The following TMEM132B variants were observed in gnomAD, a reference collection of about 807,000 sequenced individuals.
The protein encoded by TMEM132B is transmembrane protein 132B.
In TMEM132B, 18 loss-of-function variants were observed where a neutral mutation model predicts 90.8. The ratio of observed to expected loss-of-function variants is 0.20; its 90% confidence interval spans 0.14 to 0.29. The LOEUF is 0.29. Ranked by LOEUF, TMEM132B falls within the 10% of genes least tolerant of loss-of-function variation. The pLI, the probability that TMEM132B is intolerant of heterozygous loss-of-function variation, is 1.00. For synonymous variants in TMEM132B, 504 were observed against 523.3 expected (o/e 0.96, Z 0.50); for missense variants, 1,096 against 1,326.8 (o/e 0.83, Z 2.70).
At chr12:125,526,327 G>A (rs1232726842) in intron 4 of TMEM132B, among the ~76,000 whole-genome samples, 1 of 152,224 alleles carries the variant, frequency 6.6e-6, no homozygotes, top group Non-Finnish European at 1.5e-5. Flanking sequence ...GAAGGAAGGG[G>A]CAGGGATGCC....
intron 3 of TMEM132B, among the ~76,000 whole-genome samples, chr12:125,500,420 C>A (rs866486216): frequency 5.3e-5 from 8 of 152,164 alleles, no homozygotes; most frequent in Admixed American, 1.3e-4. Context: ...GGGGTGACAA[C>A]TGAAAATGTT....
intron 2 of TMEM132B, among the ~76,000 whole-genome samples, chr12:125,390,117 C>G (rs952884674): frequency 1.3e-5 from 2 of 152,152 alleles, no homozygotes; most frequent in African/African-American, 4.8e-5. Flanking sequence ...AATCCATGAC[C>G]CAGCAATTCC....
intron 1 of TMEM132B, among the ~76,000 whole-genome samples, chr12:125,322,320 T>C (rs372793261): frequency 2.6e-5 from 4 of 152,240 alleles, no homozygotes; most frequent in East Asian, 3.8e-4. Flanking sequence ...TCCGCCATGA[T>C]TGTGAGGCCT....
At chr12:125,517,327 ATTTTTTTTTTTTTTTTTTTTTTTTT>A (rs56147854) in intron 3 of TMEM132B, among the ~76,000 whole-genome samples, 2 of 28,424 alleles carry the variant, frequency 7.0e-5, no homozygotes, top group African/African-American at 3.1e-4. Flanking sequence ...TGCCCTGCTG[ATTTTTTTTTTTTTTTTTTTTTTTTT>A]TTTTTTTTTT....
intron 1 of TMEM132B, among the ~76,000 whole-genome samples, chr12:125,289,749 A>G (rs1210461770): frequency 6.6e-6 from 1 of 152,212 alleles, no homozygotes; most frequent in Non-Finnish European, 1.5e-5. Context: ...CACTTGACTG[A>G]GGTCACACAG....
chr12:125,200,544 T>C (rs1443283553), intron 1 of TMEM132B, among the ~76,000 whole-genome samples: 2 of 152,130 alleles, frequency 1.3e-5, no homozygotes, highest in Non-Finnish European at 2.9e-5. Flanking sequence ...CCTCATGAGA[T>C]GGGGGATTCC....
chr12:125,618,632 A>G (rs1419899846), intron 5 of TMEM132B, among the ~76,000 whole-genome samples: 1 of 152,084 alleles, frequency 6.6e-6, no homozygotes, highest in Non-Finnish European at 1.5e-5. Context: ...TGCCCTTAGG[A>G]TGGTTTCCAT....
chr12:125,482,279 C>A (rs1354638568), intron 3 of TMEM132B, among the ~76,000 whole-genome samples: 2 of 151,950 alleles, frequency 1.3e-5, no homozygotes, highest in Non-Finnish European at 1.5e-5. Context: ...TAAAGAGCTT[C>A]TGCACAGCAA....
intron 1 of TMEM132B, among the ~76,000 whole-genome samples, chr12:125,310,763 T>G (rs1876104932): frequency 6.6e-6 from 1 of 152,124 alleles, no homozygotes; most frequent in Non-Finnish European, 1.5e-5. Context: ...TTCTGGGTCT[T>G]ACTGAACAAT....
intron 3 of TMEM132B, among the ~76,000 whole-genome samples, chr12:125,480,955 A>G (rs1882022643): frequency 6.6e-6 from 1 of 152,350 alleles, no homozygotes; most frequent in Non-Finnish European, 1.5e-5. Flanking sequence ...CTGGTTCAAC[A>G]TATGCAAATC....
At chr12:125,258,338 G>C (rs1211214546) in intron 1 of TMEM132B, among the ~76,000 whole-genome samples, 1 of 152,160 alleles carries the variant, frequency 6.6e-6, no homozygotes, top group Non-Finnish European at 1.5e-5. Context: ...ACTTGTTTCT[G>C]CTCCACAATG....
At chr12:125,616,084 T>C (rs1321171211) in intron 5 of TMEM132B, among the ~76,000 whole-genome samples, 6 of 134,534 alleles carry the variant, frequency 4.5e-5, no homozygotes, top group Admixed American at 2.9e-4. Flanking sequence ...GCTATCCCTC[T>C]CCCCTCCCCC....
chr12:125,294,310 T>C (rs146045899), intron 1 of TMEM132B, among the ~76,000 whole-genome samples: 1 of 152,382 alleles, frequency 6.6e-6, no homozygotes, highest in East Asian at 1.9e-4. Flanking sequence ...GCTGGCAATA[T>C]TGGTTAGATG....
chr12:125,289,676 A>G (rs1031998452), intron 1 of TMEM132B, among the ~76,000 whole-genome samples: 1 of 152,232 alleles, frequency 6.6e-6, no homozygotes, highest in African/African-American at 2.4e-5. Flanking sequence ...GAGCAGATGC[A>G]TAAGTAGATA....
rs1879994910 is a variant in TMEM132B at position 125,415,785 on chromosome 12, TA to T, written c.1106+110del. 7.4e-7 allele frequency: 1 copy of T among 1,347,632 alleles called. No individual in the cohort carries two copies. Among genetic ancestry groups the T allele is most frequent in the African/African-American group, 1.5e-5 (1 of 67,526 alleles). The allele number at this position is 1,347,632 out of a possible 1,614,324, so 83.5% of individuals were successfully genotyped here. On this transcript the variant is annotated intron_variant, in intron 3 of 8. Coordinates refer to ENST00000682704, the MANE Select transcript of TMEM132B (RefSeq NM_001366854.1). The surrounding 1 kb of genome is among the most constrained non-coding windows in gnomAD (Gnocchi z 5.3). ...GTGGATAAAGCGATGCCTCTGCGTT[TA>T]ATGAGAAATGATTTTTGAGGTCGGC...
At chr12:125,424,445 G>T (rs560668379) in intron 3 of TMEM132B, among the ~76,000 whole-genome samples, 1 of 152,152 alleles carries the variant, frequency 6.6e-6, no homozygotes. Flanking sequence ...AATTTGCATC[G>T]ACGTAATTTC....
intron 1 of TMEM132B, among the ~76,000 whole-genome samples, chr12:125,324,582 G>T (rs1876511978): frequency 6.7e-6 from 1 of 149,384 alleles, no homozygotes; most frequent in African/African-American, 2.5e-5. Flanking sequence ...GAGCATTACT[G>T]CCTGAGCTCT....
intron 5 of TMEM132B, among the ~76,000 whole-genome samples, chr12:125,601,026 T>A (rs1045983478): frequency 6.6e-6 from 1 of 152,152 alleles, no homozygotes; most frequent in Admixed American, 6.5e-5. Context: ...TGGGAGACTT[T>A]AACACCCCAC....
intron 1 of TMEM132B, among the ~76,000 whole-genome samples, chr12:125,257,967 G>A (rs1874478402): frequency 6.6e-6 from 1 of 152,174 alleles, no homozygotes; most frequent in Non-Finnish European, 1.5e-5. Flanking sequence ...GAGTAAATGT[G>A]TATTGTCTTA....
Sources: gnomAD v4.1 joint callset for allele counts (sites outside exome capture counted in the v4.1 genomes callset) on GRCh38, gnomAD v4.1.1 for gene constraint, Gnocchi (gnomAD v3.1) non-coding constraint, MANE v1.5 for transcripts, NCBI Gene and HGNC (gene_info 2026-07-23, HGNC 2026-07-21) for gene names.